The following ZNF496 variants were observed in gnomAD, a reference collection of about 807,000 sequenced individuals.
ZNF496 encodes the protein NSD1 (nuclear receptor binding SET-domain containing 1)-interacting zinc finger protein 1.
In ZNF496, 11 loss-of-function variants were observed where a neutral mutation model predicts 58.9. That is an observed-to-expected ratio of 0.19 (90% confidence interval 0.12 to 0.31). The LOEUF is 0.31. ZNF496 is among the 10% of genes least tolerant of loss of function. ZNF496 has a pLI of 1.00. For synonymous variants in ZNF496, 338 were observed against 318.2 expected (o/e 1.06, Z -0.66); for missense variants, 660 against 783.0 (o/e 0.84, Z 1.88).
intron 6 of ZNF496, among the ~76,000 whole-genome samples, chr1:247,316,135 G>GGT (rs148003455): frequency 0.07 from 9,819 of 139,792 alleles, 369 homozygotes; most frequent in Admixed American, 0.1. Context: ...CTGGGAGAGG[G>GGT]GTGTGTGTGT....
At chr1:247,321,815 T>C (rs61838689) in intron 6 of ZNF496, among the ~76,000 whole-genome samples, 49,251 of 152,234 alleles carry the variant, frequency 0.32, 8,441 homozygotes, top group Middle Eastern at 0.51. Context: ...TTACCTCCTT[T>C]GTGTTTGGAA....
chr1:247,313,626 C>T (rs547883510), intron 6 of ZNF496: 3 of 152,312 alleles, frequency 2.0e-5, no homozygotes, highest in South Asian at 2.1e-4. Context: ...TGTTGTTGCA[C>T]GTTACCAACA....
Position 247,329,049 on chromosome 1 carries a change from T to C in ZNF496, c.390+140A>G, listed in dbSNP as rs942686598. 1.4e-6 allele frequency: 2 copies of C among 1,459,274 alleles called. No homozygotes were observed. The highest frequency in any genetic ancestry group is 2.8e-5 in the African/African-American group (2 of 70,368). The allele number at this position is 1,459,274 out of a possible 1,614,324, so 90.4% of individuals were successfully genotyped here. A position where few individuals can be genotyped will look rare whatever the true frequency, so the allele number is the denominator to read the frequency against. ...CTTCAGGGAGTAAAACTGGCTTTCT[T>C]AGGAAACTCTAGTCTGGACCTAACC... On this transcript the variant is annotated intron_variant, in intron 4 of 9. Coordinates refer to ENST00000682384, the MANE Select transcript of ZNF496 (RefSeq NM_032752.3). The surrounding 1 kb of genome is among the most constrained non-coding windows in gnomAD (Gnocchi z 5.5).
At position 247,329,599 on chromosome 1, in the gene ZNF496, A is replaced by G. The variant is rs1377748687; in HGVS notation, c.-21T>C. On this transcript the variant is annotated 5_prime_UTR_variant, in exon 4 of 10. Coordinates refer to ENST00000682384, the MANE Select transcript of ZNF496 (RefSeq NM_032752.3). The surrounding 1 kb of genome is among the most constrained non-coding windows in gnomAD (Gnocchi z 5.5). ...GGCATGATGGGATTTGATGGGGGTC[A>G]GCAGCAGAAGACGACCCTATTTCCA... The G allele has an allele frequency of 1.3e-6, 2 of 1,528,378 alleles. No homozygotes were observed. The highest frequency in any genetic ancestry group is 2.3e-5 in the East Asian group (1 of 44,124). The allele number at this position is 1,528,378 out of a possible 1,614,324, so 94.7% of individuals were successfully genotyped here.
In ZNF496 at chr1:247,319,659, A is replaced by T. The variant is rs549417294; in HGVS notation, c.651+3495T>A. On this transcript the variant is annotated intron_variant, in intron 6 of 9. Coordinates refer to ENST00000682384, the MANE Select transcript of ZNF496 (RefSeq NM_032752.3). ...CTATCTAGGCCGGGTGCAGTGGCTC[A>T]CACCGGTAATCCCAGCACTTTTGGA... Among the ~76,000 whole-genome samples the T allele has an allele frequency of 1.3e-4, 20 of 152,328 alleles. No homozygotes were observed. The South Asian group carries it at 2.9e-3, about 22-fold the overall frequency.
At chr1:247,326,568 C>G (rs1335573904) in intron 5 of ZNF496, among the ~76,000 whole-genome samples, 3 of 152,168 alleles carry the variant, frequency 2.0e-5, no homozygotes, top group Non-Finnish European at 4.4e-5. Context: ...CACAGCCCCC[C>G]ACTTCCTGCA....
intron 7 of ZNF496, 181 bp downstream of exon 7, chr1:247,310,143 A>G: frequency 4.2e-6 from 6 of 1,441,196 alleles, no homozygotes; most frequent in Non-Finnish European, 4.5e-6. Flanking sequence ...GGTCAATCGG[A>G]CACACTGCCT....
rs754927773 is a variant in ZNF496, at chr1:247,309,755, C to T, written c.836G>A (p.Arg279His). The stretch of plus-strand genomic sequence containing the variant: ...CTGGAGATCCTGCAACTCTGGAACG[C>T]GTGGCTCATTCTCCTCTCCCTGGGA... Reference protein sequence around the residue: ...DLSQGEENEPRVPELQDLQGK... With the variant: ...DLSQGEENEPHVPELQDLQGK... Residue 279 changes from arginine to histidine, a missense_variant, in exon 8 of 10, where the codon CGC (arginine) becomes CAC (histidine). Coordinates refer to ENST00000682384, the MANE Select transcript of ZNF496 (RefSeq NM_032752.3). The surrounding 1 kb of genome is among the most constrained non-coding windows in gnomAD (Gnocchi z 4.3). 126 of 1,614,072 alleles carry T rather than the reference C, an allele frequency of 7.8e-5. No homozygotes were observed. Among genetic ancestry groups the T allele is most frequent in the Non-Finnish European group, 1.0e-4 (120 of 1,180,054 alleles).
At chr1:247,326,111 CACAT>C (rs1660116824) in intron 5 of ZNF496, among the ~76,000 whole-genome samples, 1 of 149,966 alleles carries the variant, frequency 6.7e-6, no homozygotes, top group African/African-American at 2.5e-5. Flanking sequence ...TATATACACA[CACAT>C]ATATATACAT....
At chr1:247,313,688 C>T (rs1374547941) in intron 6 of ZNF496, 2 of 152,176 alleles carry the variant, frequency 1.3e-5, no homozygotes, top group Admixed American at 1.3e-4. Context: ...ACATGTGCAA[C>T]GTAGTCTACA....
intron 5 of ZNF496, among the ~76,000 whole-genome samples, chr1:247,323,868 T>A (rs1424370662): frequency 2.6e-5 from 4 of 151,860 alleles, no homozygotes; most frequent in African/African-American, 9.7e-5. Flanking sequence ...TAATCCTAGC[T>A]CTTTGGGAAG....
chr1:247,307,615 A>G lies in ZNF496; in HGVS notation c.1006+860T>C, dbSNP rs1285663670. 5.1e-6 allele frequency: 5 copies of G among 985,282 alleles called. No individual in the cohort carries two copies. The Admixed American group carries it at 3.1e-4, about 61-fold the overall frequency. 61.0% of individuals were successfully genotyped at this position (985,282 alleles called of 1,614,324 possible). On this transcript the variant is annotated intron_variant, in intron 9 of 9. Transcript: ENST00000682384. ...GTGGAGCAGGATCTCATCCTTTCAGATCTCCCACACTAGAAAAGCCCCTTT... is the reference window on the plus strand; with the variant it reads ...GTGGAGCAGGATCTCATCCTTTCAGGTCTCCCACACTAGAAAAGCCCCTTT...
intron 9 of ZNF496, chr1:247,306,996 A>C: frequency 1.4e-6 from 1 of 721,538 alleles, no homozygotes; most frequent in East Asian, 1.3e-4. Flanking sequence ...TAGGACATAA[A>C]GAAAACAAGT....
rs553572259 is a variant in ZNF496, at chr1:247,331,690, C to T, written c.-369-43G>A. On this transcript the variant is annotated intron_variant, in intron 1 of 9. Transcript: ENST00000682384. ...TGCTTTCTCCCCCGCCCGCACCTTC[C>T]TGAGCGCTGGGCTCTGGGCTGGGAG... 2 of 151,686 alleles carry T rather than the reference C, an allele frequency of 1.3e-5. 1 individual carries two copies. Among genetic ancestry groups the T allele is most frequent in the South Asian group, 4.1e-4 (2 of 4,834 alleles). The allele number at this position is 151,686 out of a possible 1,614,324, so 9.4% of individuals were successfully genotyped here.
rs912217262 is a variant in ZNF496 at position 247,301,070 on chromosome 1, A to T, written c.1213T>A (p.Ser405Thr). 1.2e-6 allele frequency: 2 copies of T among 1,613,540 alleles called. No homozygotes were observed. The highest frequency in any genetic ancestry group is 1.7e-6 in the Non-Finnish European group (2 of 1,180,000). ...AGGEVQTSKK[S>T]YVCPNCGKIF... ...TTCCCACAGTTCGGACACACGTAGG[A>T]CTTCTTGGAGGTCTGCACCTCGCCT... Residue 405 changes from serine to threonine, a missense_variant, in exon 10 of 10, where the codon TCC becomes ACC. Ser to Thr is a moderately conservative substitution (Grantham distance 58, BLOSUM62 1). Transcript: ENST00000682384.
intron 1 of ZNF496, 40 bp downstream of exon 1, chr1:247,331,750 G>T: frequency 6.7e-6 from 1 of 149,914 alleles, no homozygotes; most frequent in South Asian, 2.1e-4. Flanking sequence ...GGCCGAGGAG[G>T]GCGGGGCGGG....
rs1659473978 is a variant in ZNF496 at position 247,308,145 on chromosome 1, G to GT, written c.1006+329_1006+330insA. ...AGGGTGAGCCTGGGATTGGGAGTGA[G>GT]CTGGAGAATGACCCCAGCACAACGG... On this transcript the variant is annotated intron_variant, in intron 9 of 9. Transcript: ENST00000682384. The surrounding 1 kb of genome is among the most constrained non-coding windows in gnomAD (Gnocchi z 4.5). 2.3e-6 allele frequency: 1 copy of GT among 432,378 alleles called. No homozygotes were observed. Among genetic ancestry groups the GT allele is most frequent in the Non-Finnish European group, 3.1e-6 (1 of 324,614 alleles). 26.8% of individuals were successfully genotyped at this position (432,378 alleles called of 1,614,324 possible).
chr1:247,315,313 G>A (rs544543029), intron 6 of ZNF496, among the ~76,000 whole-genome samples: 3 of 152,198 alleles, frequency 2.0e-5, no homozygotes, highest in Non-Finnish European at 2.9e-5. Flanking sequence ...TGCAAAATGC[G>A]TGGCCTGAGT....
At position 247,301,003 on chromosome 1, in the gene ZNF496, C is replaced by T; in HGVS notation, c.1280G>A (p.Ser427Asn). 6.2e-7 allele frequency: 1 copy of T among 1,613,814 alleles called. No individual in the cohort carries two copies. The highest frequency in any genetic ancestry group is 8.5e-7 in the Non-Finnish European group (1 of 1,180,048). The change falls in exon 10 of 10, where the codon AGC becomes AAC. Residue 427 changes from serine to asparagine, a missense_variant. Ser to Asn is a conservative substitution (Grantham distance 46). Transcript: ENST00000682384. ...GTGCGGCTTCTCCTGCTCCCTGCGG[C>T]TCCGCAGATGCCGGATGAAGTTGAC... ...WRVNFIRHLR[S>N]RREQEKPHEC...
Sources: gnomAD v4.1 joint callset for allele counts (sites outside exome capture counted in the v4.1 genomes callset) on GRCh38, gnomAD v4.1.1 for gene constraint, Gnocchi (gnomAD v3.1) non-coding constraint, MANE v1.5 for transcripts, NCBI Gene and HGNC (gene_info 2026-07-23, HGNC 2026-07-21) for gene names.